Variants in GRM8 observed in about 807,000 individuals in gnomAD.
GRM8 encodes metabotropic glutamate receptor 8.
A neutral mutation model predicts 87.2 loss-of-function variants in GRM8; 47 were observed. The observed-to-expected ratio is 0.54, with a 90% CI of 0.43 to 0.69. GRM8 has a LOEUF of 0.69. GRM8 is among the 30% of genes least tolerant of loss of function. GRM8 has a pLI of 0.00. For missense variants in GRM8, 1,019 were observed against 1,139.2 expected (o/e 0.89, Z 1.52); for synonymous variants, 396 against 404.5 (o/e 0.98, Z 0.25).
intron 5 of GRM8, among the ~76,000 whole-genome samples, chr7:126,903,655 GTATATATATATGTATATGTGTA>G (rs200121573): frequency 4.7e-4 from 48 of 101,648 alleles, no homozygotes; most frequent in East Asian, 2.2e-3. Flanking sequence ...AGGTATATGT[GTATATATATATGTATATGTGTA>G]TATATATATG....
chr7:126,640,116 G>C (rs896320423), intron 7 of GRM8, among the ~76,000 whole-genome samples: 2 of 152,204 alleles, frequency 1.3e-5, no homozygotes, highest in African/African-American at 4.8e-5. Flanking sequence ...GTCTCACTTA[G>C]AGCCTAACTC....
At chr7:126,566,276 C>A (rs1475536499) in intron 8 of GRM8, among the ~76,000 whole-genome samples, 1 of 152,160 alleles carries the variant, frequency 6.6e-6, no homozygotes, top group Non-Finnish European at 1.5e-5. Context: ...AGTGATATAT[C>A]TGAGAATGAG....
At chr7:126,459,640 G>A (rs1023340307) in intron 9 of GRM8, among the ~76,000 whole-genome samples, 4 of 151,402 alleles carry the variant, frequency 2.6e-5, no homozygotes, top group Non-Finnish European at 5.9e-5. Flanking sequence ...ATAATGGTGG[G>A]TATCTTTTCC....
chr7:127,020,921 A>G (rs1453313895), intron 3 of GRM8, among the ~76,000 whole-genome samples: 1 of 152,040 alleles, frequency 6.6e-6, no homozygotes, highest in East Asian at 1.9e-4. Flanking sequence ...AGAAAGGGCA[A>G]TTCCACAGAG....
chr7:126,695,316 G>C (rs1585557780), intron 7 of GRM8, among the ~76,000 whole-genome samples: 1 of 152,116 alleles, frequency 6.6e-6, no homozygotes, highest in Non-Finnish European at 1.5e-5. Context: ...TCCAAGAACT[G>C]TATAATGTAC....
chr7:126,571,281 C>A (rs561345233), intron 8 of GRM8, among the ~76,000 whole-genome samples: 2 of 152,232 alleles, frequency 1.3e-5, no homozygotes, highest in East Asian at 3.9e-4. Flanking sequence ...AAATATACTG[C>A]AAGACAGCTT....
intron 2 of GRM8, among the ~76,000 whole-genome samples, chr7:127,129,547 A>T (rs137871646): frequency 1.1e-3 from 171 of 152,284 alleles, no homozygotes; most frequent in African/African-American, 4.0e-3. Flanking sequence ...TTCATTTTTC[A>T]TCCTCATCTA....
chr7:126,700,260 G>A (rs1809790330), intron 7 of GRM8, among the ~76,000 whole-genome samples: 1 of 151,920 alleles, frequency 6.6e-6, no homozygotes, highest in South Asian at 2.1e-4. Flanking sequence ...TCAGATACTG[G>A]TATCTGAAAG....
At chr7:127,189,089 G>A (rs2116469992) in intron 2 of GRM8, among the ~76,000 whole-genome samples, 1 of 152,304 alleles carries the variant, frequency 6.6e-6, no homozygotes, top group African/African-American at 2.4e-5. Flanking sequence ...TACCCTCAGT[G>A]TTCTCTTTCC....
At chr7:126,929,770 T>A (rs1022577454) in intron 3 of GRM8, among the ~76,000 whole-genome samples, 2 of 23,860 alleles carry the variant, frequency 8.4e-5, no homozygotes, top group East Asian at 5.5e-3. Flanking sequence ...GAGGCTAGTG[T>A]CTATCCTTTT....
chr7:127,044,413 T>A (rs1818733876), intron 3 of GRM8, among the ~76,000 whole-genome samples: 1 of 152,104 alleles, frequency 6.6e-6, no homozygotes, highest in Non-Finnish European at 1.5e-5. Flanking sequence ...TGCATCTACT[T>A]TTCCACATGG....
intron 7 of GRM8, among the ~76,000 whole-genome samples, chr7:126,617,030 G>A (rs561042406): frequency 4.5e-4 from 69 of 152,260 alleles, no homozygotes; most frequent in African/African-American, 1.6e-3. Context: ...ATTTTATGAG[G>A]CCAGCATTAT....
chr7:127,187,897 G>C (rs922868816), intron 2 of GRM8, among the ~76,000 whole-genome samples: 1 of 152,184 alleles, frequency 6.6e-6, no homozygotes, highest in Non-Finnish European at 1.5e-5. Flanking sequence ...GGGGCTGAAA[G>C]AATCAAAGGT....
rs544030574 is a variant in GRM8 at position 126,812,566 on chromosome 7, T to G, written c.1157-42501A>C. On this transcript the variant is annotated intron_variant, in intron 6 of 10. Transcript: ENST00000339582. ...AAAACATTGTTATGTGGCCCATGACTGCATACAGGAGGATATGTGTAGATT... is the reference window on the plus strand; with the variant it reads ...AAAACATTGTTATGTGGCCCATGACGGCATACAGGAGGATATGTGTAGATT... Among the ~76,000 whole-genome samples, 9 of 152,196 alleles carry G rather than the reference T, an allele frequency of 5.9e-5. No homozygotes were observed. The South Asian group carries it at 1.9e-3, about 32-fold the overall frequency.
chr7:126,851,524 C>T (rs926100304), intron 6 of GRM8, among the ~76,000 whole-genome samples: 3 of 152,172 alleles, frequency 2.0e-5, no homozygotes, highest in Non-Finnish European at 4.4e-5. Flanking sequence ...GACCTCATCT[C>T]CTGTTATCCC....
chr7:127,221,600 G>A (rs1447157900), intron 2 of GRM8, among the ~76,000 whole-genome samples: 1 of 152,162 alleles, frequency 6.6e-6, no homozygotes, highest in Non-Finnish European at 1.5e-5. Context: ...GGCTCAGAAT[G>A]GGCCTCACCT....
intron 3 of GRM8, among the ~76,000 whole-genome samples, chr7:126,988,800 A>G (rs1812362676): frequency 1.3e-5 from 2 of 152,308 alleles, no homozygotes; most frequent in South Asian, 4.1e-4. Context: ...TTCATTTTGC[A>G]TTTCTGTCCA....
intron 7 of GRM8, among the ~76,000 whole-genome samples, chr7:126,662,479 T>C (rs1481915648): frequency 6.6e-6 from 1 of 152,158 alleles, no homozygotes; most frequent in Non-Finnish European, 1.5e-5. Flanking sequence ...AAGAGGTTTA[T>C]TAGACTATTC....
chr7:126,512,333 C>T (rs1487590924), intron 9 of GRM8: 1 of 152,102 alleles, frequency 6.6e-6, no homozygotes, highest in Admixed American at 6.6e-5. Flanking sequence ...GAACAGACCT[C>T]CATATTATTC....
Sources: allele counts gnomAD v4.1 joint callset (sites outside exome capture counted in the v4.1 genomes callset), GRCh38; gene constraint gnomAD v4.1.1; transcripts MANE v1.5; gene names NCBI Gene and HGNC (gene_info 2026-07-23, HGNC 2026-07-21).